SLC7A14: variants seen among roughly 807,000 people sequenced by gnomAD.
SLC7A14 encodes gamma-aminobutyric acid transporter SLC7A14.
In SLC7A14, 37 loss-of-function variants were observed where a neutral mutation model predicts 60.2. The ratio of observed to expected loss-of-function variants is 0.61; its 90% CI spans 0.47 to 0.81. The LOEUF is 0.81. Ranked by LOEUF, SLC7A14 falls within the 30% of genes least tolerant of loss-of-function variation. The probability of loss-of-function intolerance (pLI) is 0.00; values close to 1 mark genes in which losing one functional copy is unlikely to be tolerated. For missense variants in SLC7A14, 886 were observed against 982.7 expected, an observed-to-expected ratio of 0.90 and a Z score of 1.32; for synonymous variants, 399 against 395.8, an observed-to-expected ratio of 1.01 and a Z score of -0.10.
intron 1 of SLC7A14, among the ~76,000 whole-genome samples, chr3:170,559,091 C>T (rs1014470225): frequency 2.6e-4 from 39 of 152,150 alleles, no homozygotes; most frequent in Non-Finnish European, 3.8e-4. Flanking sequence ...CAAACTTTTT[C>T]CCCACAAAAT....
At chr3:170,470,216 C>T (rs1739848875) in intron 7 of SLC7A14, among the ~76,000 whole-genome samples, 1 of 151,968 alleles carries the variant, frequency 6.6e-6, no homozygotes, top group Non-Finnish European at 1.5e-5. Flanking sequence ...TCTCCCCTCC[C>T]CCAGGCTGGT....
intron 1 of SLC7A14, among the ~76,000 whole-genome samples, chr3:170,564,487 C>T (rs1206067269): frequency 2.0e-5 from 3 of 152,148 alleles, no homozygotes; most frequent in Admixed American, 2.0e-4. Context: ...GGCAATAGTC[C>T]CAGGACACAG....
intron 4 of SLC7A14, among the ~76,000 whole-genome samples, chr3:170,487,969 T>G (rs1297986310): frequency 1.3e-5 from 2 of 152,238 alleles, no homozygotes; most frequent in African/African-American, 2.4e-5. Flanking sequence ...ATATCACTTA[T>G]GCTTATTACT....
chr3:170,576,563 C>T (rs1487850371), intron 1 of SLC7A14, among the ~76,000 whole-genome samples: 1 of 152,180 alleles, frequency 6.6e-6, no homozygotes, highest in Non-Finnish European at 1.5e-5. Flanking sequence ...TCTGGTCATA[C>T]TTCTGAACAA....
intron 1 of SLC7A14, among the ~76,000 whole-genome samples, chr3:170,568,490 T>C (rs1301038843): frequency 2.4e-4 from 37 of 152,194 alleles, no homozygotes; most frequent in African/African-American, 6.0e-4. Context: ...CTTGGCGATG[T>C]GGGCTCTTTT....
At chr3:170,469,890 T>A (rs1739836644) in intron 7 of SLC7A14, among the ~76,000 whole-genome samples, 1 of 152,084 alleles carries the variant, frequency 6.6e-6, no homozygotes, top group South Asian at 2.1e-4. Flanking sequence ...ACCACAAAGG[T>A]CATTGTTCAG....
chr3:170,468,844 G>A lies in SLC7A14; in HGVS notation c.1994-1467C>T, dbSNP rs527499513. ...ATGGGAGTGCTTGAGGATGAAATGA[G>A]GTAAGTGGTGGTTCTCAACCCTGGC... On this transcript the variant is annotated intron_variant, in intron 7 of 7. Coordinates refer to ENST00000231706, the MANE Select transcript of SLC7A14 (RefSeq NM_020949.3). 2.0e-4 allele frequency among the ~76,000 whole-genome samples: 30 copies of A among 152,302 alleles called. No homozygotes were observed. In the Middle Eastern group the frequency reaches 0.014, roughly 69 times the overall value.
intron 4 of SLC7A14, among the ~76,000 whole-genome samples, chr3:170,488,136 A>G (rs1468701411): frequency 6.6e-6 from 1 of 152,210 alleles, no homozygotes; most frequent in Non-Finnish European, 1.5e-5. Flanking sequence ...ATTCGTGTGT[A>G]ATTAGGCTAT....
intron 7 of SLC7A14, among the ~76,000 whole-genome samples, chr3:170,472,792 T>C (rs1490224204): frequency 6.6e-6 from 1 of 151,500 alleles, no homozygotes; most frequent in Admixed American, 6.6e-5. Context: ...AGAAAGTCTG[T>C]TTGCAGTGAC....
chr3:170,501,434 C>G (rs1277895227), intron 2 of SLC7A14, 89 bp from the exon 3 acceptor site: 4 of 1,062,586 alleles, frequency 3.8e-6, no homozygotes, highest in Non-Finnish European at 5.8e-6. Context: ...CATACTGAGA[C>G]TTTCTAGGAT....
intron 1 of SLC7A14, among the ~76,000 whole-genome samples, chr3:170,542,847 G>T (rs560382681): frequency 6.6e-6 from 1 of 152,140 alleles, no homozygotes; most frequent in Non-Finnish European, 1.5e-5. Context: ...CCTTAACGTG[G>T]TTTCTACTAC....
chr3:170,525,793 G>A (rs1414796985), intron 2 of SLC7A14, among the ~76,000 whole-genome samples: 3 of 152,192 alleles, frequency 2.0e-5, no homozygotes, highest in Non-Finnish European at 4.4e-5. Flanking sequence ...GGAGGTTCAC[G>A]CCTGTTATCT....
chr3:170,466,994 G>T lies in SLC7A14; in HGVS notation c.*61C>A. The T allele has an allele frequency of 7.0e-7, 1 of 1,436,038 alleles. No homozygotes were observed. The highest frequency in any genetic ancestry group is 1.4e-5 in the South Asian group (1 of 73,932). The allele number at this position is 1,436,038 out of a possible 1,614,324, so 89.0% of individuals were successfully genotyped here. On this transcript the variant is annotated 3_prime_UTR_variant, in exon 8 of 8. Coordinates refer to ENST00000231706, the MANE Select transcript of SLC7A14 (RefSeq NM_020949.3). ...GAGCCAAAAAAGTTTTCACCTTCTA[G>T]CCCACAGGTTAAGTTACTGAAAATC... is the stretch of plus-strand genomic sequence containing the variant.
intron 1 of SLC7A14, among the ~76,000 whole-genome samples, chr3:170,546,194 C>T (rs1231747504): frequency 6.6e-6 from 1 of 152,220 alleles, no homozygotes; most frequent in Non-Finnish European, 1.5e-5. Flanking sequence ...AGCTCTCAGA[C>T]AGAAGCAGAC....
chr3:170,512,957 G>A (rs1220979860), intron 2 of SLC7A14, among the ~76,000 whole-genome samples: 1 of 152,208 alleles, frequency 6.6e-6, no homozygotes, highest in East Asian at 1.9e-4. Flanking sequence ...AGGCTGGCAT[G>A]CACTGGGTAA....
intron 1 of SLC7A14, among the ~76,000 whole-genome samples, chr3:170,533,532 A>G (rs1221337314): frequency 6.6e-6 from 1 of 152,226 alleles, no homozygotes; most frequent in Non-Finnish European, 1.5e-5. Flanking sequence ...CACATGTTAT[A>G]GCTTCTAGAT....
chr3:170,519,574 C>G (rs7637049), intron 2 of SLC7A14, among the ~76,000 whole-genome samples: 4 of 152,268 alleles, frequency 2.6e-5, no homozygotes, highest in African/African-American at 9.6e-5. Context: ...TCAGGAGTTT[C>G]AGACCAGCCT....
At chr3:170,583,069 T>C (rs1715280950) in intron 1 of SLC7A14, among the ~76,000 whole-genome samples, 1 of 152,238 alleles carries the variant, frequency 6.6e-6, no homozygotes, top group Admixed American at 6.5e-5. Flanking sequence ...GATCTTTATT[T>C]ATAAAAATCC....
chr3:170,504,977 G>A (rs1235807714), intron 2 of SLC7A14, among the ~76,000 whole-genome samples: 1 of 152,192 alleles, frequency 6.6e-6, no homozygotes. Flanking sequence ...CTGACTCACA[G>A]AATGAAGCTC....
Sources: allele counts gnomAD v4.1 joint callset (sites outside exome capture counted in the v4.1 genomes callset), GRCh38; gene constraint gnomAD v4.1.1; transcripts MANE v1.5; gene names NCBI Gene and HGNC (gene_info 2026-07-23, HGNC 2026-07-21).